The following EML5 variants were observed in gnomAD, a reference collection of about 807,000 sequenced individuals.
The protein encoded by EML5 is EMAP like 5.
A neutral mutation model predicts 250.0 loss-of-function variants in EML5; 120 were observed. That is an observed-to-expected ratio of 0.48 (90% CI 0.41 to 0.56). The LOEUF (loss-of-function observed/expected upper bound fraction) is 0.56, where lower values mean the gene tolerates loss of function less well. EML5 is among the 20% of genes least tolerant of loss of function. The pLI is 0.00. For missense variants in EML5, 2,006 were observed against 2,437.6 expected, an observed-to-expected ratio of 0.82 and a Z score of 3.73; for synonymous variants, 771 against 806.5, an observed-to-expected ratio of 0.96 and a Z score of 0.75.
chr14:88,719,749 C>T (rs746598230), intron 8 of EML5, among the ~76,000 whole-genome samples: 1 of 151,874 alleles, frequency 6.6e-6, no homozygotes, highest in African/African-American at 2.4e-5. Context: ...AATGCTACTC[C>T]CCTTGCAGAA....
intron 27 of EML5, among the ~76,000 whole-genome samples, chr14:88,654,602 C>T: frequency 6.6e-6 from 1 of 152,314 alleles, no homozygotes; most frequent in South Asian, 2.1e-4. Flanking sequence ...GAGTGAGTCT[C>T]TCCATCCTCA....
chr14:88,715,236 A>G (rs1362171773), intron 8 of EML5, 41 bp from the exon 9 acceptor site: 1 of 1,524,802 alleles, frequency 6.6e-7, no homozygotes, highest in East Asian at 2.4e-5. Context: ...AACAGAAGTC[A>G]CAACAGAATT....
rs143851674 is a variant in EML5 at position 88,725,797 on chromosome 14, T to A, written c.1187+744A>T. Among the ~76,000 whole-genome samples, 564 of 152,054 alleles carry A rather than the reference T, an allele frequency of 3.7e-3. 7 individuals are homozygous for A. The highest frequency in any genetic ancestry group is 0.013 in the African/African-American group (539 of 41,472). ...TAGATGACAGAAGCCTACACAAGAG[T>A]ACAATGGTGAGAATAGAAGGAAGGA... On this transcript the variant is annotated intron_variant, in intron 8 of 43. Transcript: ENST00000554922.
chr14:88,643,760 C>CT (rs2091198949), intron 30 of EML5, among the ~76,000 whole-genome samples: 1 of 152,344 alleles, frequency 6.6e-6, no homozygotes, highest in Admixed American at 6.5e-5. Flanking sequence ...ACTAAGTATA[C>CT]TGTCTCTGAC....
intron 41 of EML5, chr14:88,617,360 T>G (rs1181330814): frequency 1.3e-5 from 2 of 153,416 alleles, no homozygotes; most frequent in African/African-American, 4.8e-5. Context: ...TTGGTCAGGC[T>G]AGTCTCGAAC....
chr14:88,773,362 G>T (rs190665826), intron 1 of EML5, among the ~76,000 whole-genome samples: 117 of 152,288 alleles, frequency 7.7e-4, no homozygotes, highest in Non-Finnish European at 1.3e-3. Flanking sequence ...ACTTTGCTTG[G>T]TAATAAATCT....
chr14:88,634,190 A>ACCT (rs1360011139), intron 33 of EML5, among the ~76,000 whole-genome samples: 2 of 151,566 alleles, frequency 1.3e-5, no homozygotes, highest in Non-Finnish European at 2.9e-5. Flanking sequence ...AACGTGTAGT[A>ACCT]CCTCCCCTTT....
chr14:88,672,506 A>G (rs2092489561), intron 21 of EML5, among the ~76,000 whole-genome samples: 1 of 152,200 alleles, frequency 6.6e-6, no homozygotes, highest in Admixed American at 6.5e-5. Context: ...CCAAGAGCAA[A>G]CAAACCCCGA....
chr14:88,751,337 C>T (rs563763382), intron 2 of EML5, among the ~76,000 whole-genome samples: 1 of 152,204 alleles, frequency 6.6e-6, no homozygotes, highest in South Asian at 2.1e-4. Context: ...GAGTCAGAGA[C>T]AGTTTGTAGA....
Position 88,638,881 on chromosome 14 carries a change from T to C in EML5, c.4264A>G (p.Asn1422Asp). The C allele has an allele frequency of 6.3e-7, 1 of 1,589,988 alleles. No homozygotes were observed. The highest frequency in any genetic ancestry group is 8.6e-7 in the Non-Finnish European group (1 of 1,168,332). ...ACTGTGAGGCACAGAATATCATCAT[T>C]ATGTTCCTGATAAAAACTCTGAGAA... is the stretch of plus-strand genomic sequence containing the variant. ...TGSQSFYQEH[N>D]DDILCLTVNQ... is the part of the protein sequence containing the mutation. The change falls in exon 32 of 44, where the codon AAT (asparagine) becomes GAT (aspartate). Residue 1422 changes from asparagine to aspartate, a missense_variant. By Grantham distance (23) the Asn-to-Asp change is conservative. Around this residue, in one of 7 missense-constraint regions of EML5, gnomAD observed 1,375 missense variants for 1,590.3 expected, o/e 0.86. Coordinates refer to ENST00000554922, the MANE Select transcript of EML5 (RefSeq NM_183387.3).
At position 88,706,305 on chromosome 14, in the gene EML5, A is replaced by G; in HGVS notation, c.1779T>C (p.Phe593=). Reference sequence around the variant, plus strand: ...CATCTTTCAGTTTTCTTTCAGGAATAAATTTCCACTGAAAGACAGAGTGAT... The same window carrying G: ...CATCTTTCAGTTTTCTTTCAGGAATGAATTTCCACTGAAAGACAGAGTGAT... ...GADHSVFQWK[F]IPERKLKDAV... The change falls in exon 11 of 44, where the codon TTT becomes TTC. Residue 593 remains phenylalanine (F), a synonymous_variant. Coordinates refer to ENST00000554922, the MANE Select transcript of EML5 (RefSeq NM_183387.3). The G allele has an allele frequency of 2.5e-6, 4 of 1,609,884 alleles. No homozygotes were observed. The highest frequency in any genetic ancestry group is 3.4e-6 in the Non-Finnish European group (4 of 1,178,202).
intron 31 of EML5, among the ~76,000 whole-genome samples, chr14:88,639,156 T>C (rs1364132621): frequency 6.6e-6 from 1 of 152,162 alleles, no homozygotes; most frequent in Non-Finnish European, 1.5e-5. Flanking sequence ...AGAGTTGGGA[T>C]CAAAATGCTA....
At chr14:88,740,658 A>G in intron 4 of EML5, 86 bp from the exon 5 acceptor site, 1 of 1,187,994 alleles carries the variant, frequency 8.4e-7, no homozygotes, top group Non-Finnish European at 1.2e-6. Flanking sequence ...GCTATATTAG[A>G]GCAGTGAGCT....
At position 88,685,065 on chromosome 14, in the gene EML5, C is replaced by T. The variant is rs751907993; in HGVS notation, c.2932G>A (p.Gly978Ser). Residue 978 changes from glycine to serine, a missense_variant, in exon 20 of 44, where the codon GGT (glycine) becomes AGT (serine). By Grantham distance (56) the Gly-to-Ser change is moderately conservative. This residue lies in a region of EML5 where 1,375 missense variants were observed against 1,590.3 expected (regional missense o/e 0.86). Transcript: ENST00000554922. ...HGHILVGTKN[G>S]EILEVDKSGP... ...CTTTTATCCACTTCTAGTATTTCAC[C>T]ATTCTTTGTGCCAACTAAAATATGA... is the stretch of plus-strand genomic sequence containing the variant. The T allele has an allele frequency of 3.1e-6, 5 of 1,611,468 alleles. No homozygotes were observed. The highest frequency in any genetic ancestry group is 4.2e-6 in the Non-Finnish European group (5 of 1,178,700).
At chr14:88,707,270 T>TTTTACTTA (rs2093334166) in intron 10 of EML5, among the ~76,000 whole-genome samples, 1 of 145,526 alleles carries the variant, frequency 6.9e-6, no homozygotes, top group African/African-American at 2.6e-5. Flanking sequence ...TAGGGATATA[T>TTTTACTTA]TTTATTTATT....
At chr14:88,754,720 C>T (rs1311301470) in intron 1 of EML5, 49 bp from the exon 2 acceptor site, 2 of 1,475,342 alleles carry the variant, frequency 1.4e-6, no homozygotes, top group Admixed American at 2.0e-5. Flanking sequence ...ATTGCTTATA[C>T]AGATTTTATA....
At chr14:88,741,164 GA>G (rs201039602) in intron 4 of EML5, among the ~76,000 whole-genome samples, 23 of 143,432 alleles carry the variant, frequency 1.6e-4, no homozygotes, top group Middle Eastern at 3.7e-3. Flanking sequence ...TCCGTCTCAA[GA>G]AAAAAAAAAA....
At chr14:88,713,719 G>T (rs1310078451) in intron 9 of EML5, among the ~76,000 whole-genome samples, 1 of 151,244 alleles carries the variant, frequency 6.6e-6, no homozygotes, top group East Asian at 1.9e-4. Flanking sequence ...GCCTCCCAAA[G>T]TGCTGGGATT....
intron 27 of EML5, among the ~76,000 whole-genome samples, chr14:88,650,779 G>A (rs1011929071): frequency 1.3e-5 from 2 of 151,946 alleles, no homozygotes; most frequent in African/African-American, 2.4e-5. Flanking sequence ...GAACCTCCTG[G>A]TACAGGCATG....
Sources: allele counts gnomAD v4.1 joint callset (sites outside exome capture counted in the v4.1 genomes callset), GRCh38; gene constraint gnomAD v4.1.1; regional missense constraint gnomAD v4.1.1; transcripts MANE v1.5; gene names NCBI Gene and HGNC (gene_info 2026-07-23, HGNC 2026-07-21).